The following KAZN variants were observed in gnomAD, a reference collection of about 807,000 sequenced individuals.
KAZN encodes the protein kazrin.
KAZN carries 40 observed loss-of-function variants against 87.4 expected under a neutral mutation model. That is an observed-to-expected ratio of 0.46 (90% CI 0.36 to 0.60). The LOEUF is 0.60. KAZN is among the 20% of genes least tolerant of loss of function. KAZN has a pLI of 0.00. For missense variants in KAZN, 898 were observed against 1,073.9 expected (o/e 0.84, Z 2.29); for synonymous variants, 466 against 458.3 (o/e 1.02, Z -0.22).
intron 10 of KAZN, among the ~76,000 whole-genome samples, chr1:15,095,681 A>G (rs1640777999): frequency 1.4e-5 from 2 of 142,818 alleles, no homozygotes; most frequent in Non-Finnish European, 3.0e-5. Context: ...TCTGTTTTGC[A>G]TAATTATGTC....
At chr1:14,656,758 C>T (rs1449961857) in intron 1 of KAZN, among the ~76,000 whole-genome samples, 2 of 152,192 alleles carry the variant, frequency 1.3e-5, no homozygotes, top group African/African-American at 2.4e-5. Flanking sequence ...CTCACTATCA[C>T]GAGAACAGCA....
chr1:14,374,260 CAGGCAGTTATGACAGCACTCAAG>C (rs1660725377), intron 2 of KAZN, among the ~76,000 whole-genome samples: 1 of 152,224 alleles, frequency 6.6e-6, no homozygotes, highest in South Asian at 2.1e-4. Context: ...CCACTCACCC[CAGGCAGTTATGACAGCACTCAAG>C]AGGCAGGAGA....
chr1:14,662,804 A>C (rs1050091261), intron 1 of KAZN, among the ~76,000 whole-genome samples: 4 of 151,098 alleles, frequency 2.6e-5, no homozygotes, highest in African/African-American at 9.7e-5. Flanking sequence ...TAAGAAAGAC[A>C]CTATTTACTG....
chr1:14,929,722 CG>C, intron 1 of KAZN: 1 of 950,608 alleles, frequency 1.1e-6, no homozygotes, highest in Non-Finnish European at 1.3e-6. Context: ...AAGGGGTGTG[CG>C]GGCGTGGAGT....
At chr1:13,914,785 C>T (rs185895325) in intron 1 of KAZN, among the ~76,000 whole-genome samples, 10 of 152,286 alleles carry the variant, frequency 6.6e-5, no homozygotes, top group African/African-American at 2.4e-4. Flanking sequence ...GCTCCAGGAG[C>T]CCAGAGTGAA....
rs536032649 is a variant in KAZN at position 14,444,254 on chromosome 1, T to A, written c.250-154729T>A. Among the ~76,000 whole-genome samples the A allele has an allele frequency of 2.6e-5, 4 of 152,026 alleles. No homozygotes were observed. In the East Asian group the frequency reaches 7.7e-4, roughly 29 times the overall value. On this transcript the variant is annotated intron_variant, in intron 2 of 16. Coordinates refer to the KAZN transcript ENST00000636203. ...AGTGATCCTTACCTGATGGTTTCTT[T>A]GGTGTCACCCGCCCTCCAACTCGCT...
intron 2 of KAZN, among the ~76,000 whole-genome samples, chr1:14,971,355 G>A (rs1324455880): frequency 6.6e-6 from 1 of 152,306 alleles, no homozygotes; most frequent in East Asian, 1.9e-4. Context: ...CTGAGATTGC[G>A]CCGCGGCACG....
chr1:13,978,321 A>T lies in KAZN; in HGVS notation c.91+84565A>T, dbSNP rs139869745. ...TCTGGCATTTAAGAAATTACCACAC[A>T]TCCTAGGAAATAGGACCTGAAAATC... On this transcript the variant is annotated intron_variant, in intron 1 of 16. Transcript: ENST00000636203. Among the ~76,000 whole-genome samples the T allele has an allele frequency of 5.3e-3, 799 of 152,170 alleles. 11 individuals are homozygous for T. The highest frequency in any genetic ancestry group is 0.018 in the African/African-American group (763 of 41,542).
intron 1 of KAZN, among the ~76,000 whole-genome samples, chr1:14,039,178 A>G (rs1641693901): frequency 6.6e-6 from 1 of 152,114 alleles, no homozygotes; most frequent in South Asian, 2.1e-4. Flanking sequence ...TCAAAAAAAA[A>G]AAAAAAAAAA....
intron 1 of KAZN, among the ~76,000 whole-genome samples, chr1:14,727,982 G>A (rs1365923015): frequency 1.3e-5 from 2 of 151,832 alleles, no homozygotes; most frequent in Non-Finnish European, 2.9e-5. Context: ...TAGGGTTTGC[G>A]CTCCTATGAG....
chr1:15,075,266 A>G (rs987792306), intron 8 of KAZN, among the ~76,000 whole-genome samples: 3 of 152,092 alleles, frequency 2.0e-5, no homozygotes, highest in Admixed American at 6.6e-5. Context: ...GCCTCCAACC[A>G]TAAGACTCAA....
chr1:14,258,999 G>T (rs753636875), intron 2 of KAZN, among the ~76,000 whole-genome samples: 61 of 152,116 alleles, frequency 4.0e-4, no homozygotes, highest in Non-Finnish European at 1.6e-4. Flanking sequence ...GTAATCACGG[G>T]GCTGGGCGTC....
At chr1:14,052,437 C>T (rs1642377205) in intron 1 of KAZN, among the ~76,000 whole-genome samples, 1 of 152,090 alleles carries the variant, frequency 6.6e-6, no homozygotes, top group South Asian at 2.1e-4. Flanking sequence ...GCCGCTGCTA[C>T]ACCAAGCCAT....
chr1:14,055,594 A>G (rs1642515917), intron 1 of KAZN, among the ~76,000 whole-genome samples: 1 of 152,180 alleles, frequency 6.6e-6, no homozygotes, highest in Non-Finnish European at 1.5e-5. Context: ...GCATCCATAC[A>G]GGAAAGCCCT....
At chr1:14,798,562 T>A (rs921799559) in intron 1 of KAZN, among the ~76,000 whole-genome samples, 18 of 147,036 alleles carry the variant, frequency 1.2e-4, no homozygotes, top group Non-Finnish European at 2.1e-4. Flanking sequence ...AGCCTCCAGA[T>A]TAGCTGGGAC....
intron 1 of KAZN, among the ~76,000 whole-genome samples, chr1:14,630,632 A>C (rs1679495356): frequency 6.6e-6 from 1 of 152,210 alleles, no homozygotes; most frequent in Non-Finnish European, 1.5e-5. Context: ...ATGCTTTGTA[A>C]GCCATAAAAT....
intron 1 of KAZN, among the ~76,000 whole-genome samples, chr1:14,098,536 G>A (rs1330155576): frequency 1.3e-5 from 2 of 152,176 alleles, no homozygotes; most frequent in African/African-American, 2.4e-5. Flanking sequence ...GGCAACCAGG[G>A]TGTTTGAGGA....
intron 2 of KAZN, among the ~76,000 whole-genome samples, chr1:14,580,836 A>G (rs1014285119): frequency 6.6e-6 from 1 of 152,160 alleles, no homozygotes; most frequent in African/African-American, 2.4e-5. Context: ...TCATCAACCA[A>G]TGTCATCAAT....
chr1:14,976,084 G>A (rs1665586073), intron 2 of KAZN, among the ~76,000 whole-genome samples: 1 of 135,226 alleles, frequency 7.4e-6, no homozygotes, highest in Admixed American at 7.3e-5. Context: ...TCTCAGACCT[G>A]CGCGGTGAGC....
Sources: gnomAD v4.1 joint callset for allele counts (sites outside exome capture counted in the v4.1 genomes callset) on GRCh38, gnomAD v4.1.1 for gene constraint, MANE v1.5 for transcripts, NCBI Gene and HGNC (gene_info 2026-07-23, HGNC 2026-07-21) for gene names.